Variants in ANK3 observed in about 807,000 individuals in gnomAD.
ANK3 encodes ankyrin 3.
ANK3 carries 57 observed loss-of-function variants against 370.9 expected under a neutral mutation model. That is an observed-to-expected ratio of 0.15 (90% CI 0.12 to 0.19). The LOEUF is 0.19. Among genes scored for constraint, ANK3 ranks in the 10% least tolerant of loss-of-function variants. The pLI is 1.00. For missense variants in ANK3, 4,439 were observed against 5,302.1 expected, an observed-to-expected ratio of 0.84 and a Z score of 5.06; for synonymous variants, 1,929 against 1,946.3, an observed-to-expected ratio of 0.99 and a Z score of 0.23.
At chr10:60,148,662 A>G (rs969648473) in intron 23 of ANK3, among the ~76,000 whole-genome samples, 5 of 152,204 alleles carry the variant, frequency 3.3e-5, no homozygotes, top group African/African-American at 1.2e-4. Flanking sequence ...AGGAGCACTG[A>G]AGTCTAAAGA....
chr10:60,499,414 A>G (rs546584106), intron 2 of ANK3, among the ~76,000 whole-genome samples: 2 of 152,198 alleles, frequency 1.3e-5, no homozygotes, highest in Non-Finnish European at 2.9e-5. Flanking sequence ...ATAAGTCATC[A>G]ATAAAGGAAA....
intron 1 of ANK3, among the ~76,000 whole-genome samples, chr10:60,330,330 A>G (rs1312419228): frequency 6.6e-6 from 1 of 152,214 alleles, no homozygotes; most frequent in Non-Finnish European, 1.5e-5. Context: ...GAAACTATCA[A>G]CAGACTGAAC....
chr10:60,413,680 G>A (rs2063604476), intron 2 of ANK3, among the ~76,000 whole-genome samples: 1 of 152,168 alleles, frequency 6.6e-6, no homozygotes, highest in African/African-American at 2.4e-5. Flanking sequence ...GAATCATGCA[G>A]AGTATTTAAT....
At chr10:60,165,677 T>G (rs1327269579) in intron 23 of ANK3, among the ~76,000 whole-genome samples, 1 of 152,010 alleles carries the variant, frequency 6.6e-6, no homozygotes, top group Admixed American at 6.6e-5. Flanking sequence ...TGAATTAAAA[T>G]AGGGAAGATT....
chr10:60,603,234 C>T (rs1438910194), intron 2 of ANK3, among the ~76,000 whole-genome samples: 1 of 152,120 alleles, frequency 6.6e-6, no homozygotes. Context: ...GCCATTAGTG[C>T]ACTGACATAG....
At chr10:60,282,842 A>C (rs2132717990) in intron 1 of ANK3, among the ~76,000 whole-genome samples, 1 of 152,300 alleles carries the variant, frequency 6.6e-6, no homozygotes, top group Non-Finnish European at 1.5e-5. Flanking sequence ...AAAAGGGGGA[A>C]AATGTAGAGA....
chr10:60,668,830 A>T, intron 1 of ANK3, among the ~76,000 whole-genome samples: 1 of 152,246 alleles, frequency 6.6e-6, no homozygotes, highest in East Asian at 1.9e-4. Flanking sequence ...CATCTCTACT[A>T]ATAAATACAA....
At position 60,030,345 on chromosome 10, in the gene ANK3, T is replaced by C. The variant is rs142337917; in HGVS notation, c.*20-519A>G. On this transcript the variant is annotated intron_variant, in intron 43 of 43. Transcript: ENST00000280772. ...TTTTAGTAGAGACGGGGTTTCACTA[T>C]GTTAGTCAGGATGGTCTCGATCTCC... 7.6e-3 allele frequency among the ~76,000 whole-genome samples: 1,152 copies of C among 152,162 alleles called. 9 individuals carry two copies. The highest frequency in any genetic ancestry group is 9.8e-3 in the Non-Finnish European group (665 of 68,016).
intron 1 of ANK3, among the ~76,000 whole-genome samples, chr10:60,647,834 G>A (rs2078728893): frequency 1.4e-5 from 2 of 146,400 alleles, no homozygotes; most frequent in Non-Finnish European, 3.0e-5. Context: ...AAATTTTCAA[G>A]ACAGAAACAA....
intron 2 of ANK3, among the ~76,000 whole-genome samples, chr10:60,400,907 G>T (rs1375418951): frequency 6.6e-6 from 1 of 152,020 alleles, no homozygotes; most frequent in Non-Finnish European, 1.5e-5. Context: ...AAGTGACTCT[G>T]CAGGCTTTCT....
intron 1 of ANK3, among the ~76,000 whole-genome samples, chr10:60,723,640 G>T (rs2079896160): frequency 6.6e-6 from 1 of 152,144 alleles, no homozygotes; most frequent in Non-Finnish European, 1.5e-5. Context: ...GTAGCAATGG[G>T]TAGACACTCA....
In ANK3 at chr10:60,072,064, G is replaced by A. The variant is rs1188698757; in HGVS notation, c.8817C>T (p.Asp2939=). The A allele has an allele frequency of 6.2e-7, 1 of 1,614,092 alleles. No individual in the cohort carries two copies. The highest frequency in any genetic ancestry group is 8.5e-7 in the Non-Finnish European group (1 of 1,180,010). The change falls in exon 37 of 44, where the codon GAC becomes GAT. Residue 2939 remains aspartate (D), a synonymous_variant. Transcript: ENST00000280772. The part of the protein sequence containing the change: ...LYREYVVKEG[D]HPGGLLDQPS... ...GCTGATCAAGCAATCCGCCTGGATGGTCCCCTTCTTTCACAACATATTCCC... is the reference window on the plus strand; with the variant it reads ...GCTGATCAAGCAATCCGCCTGGATGATCCCCTTCTTTCACAACATATTCCC...
chr10:60,597,852 T>C (rs914926980), intron 2 of ANK3, among the ~76,000 whole-genome samples: 1 of 152,170 alleles, frequency 6.6e-6, no homozygotes, highest in African/African-American at 2.4e-5. Context: ...AAAATATTCT[T>C]ATAAGGACTG....
intron 32 of ANK3, 111 bp downstream of exon 32, chr10:60,084,491 T>C (rs762646064): frequency 4.6e-6 from 3 of 653,214 alleles, no homozygotes; most frequent in Non-Finnish European, 7.3e-6. Context: ...AAAGTAAAAG[T>C]AAAATCAATA....
intron 30 of ANK3, among the ~76,000 whole-genome samples, chr10:60,086,313 T>C (rs1200148524): frequency 6.6e-6 from 1 of 152,214 alleles, no homozygotes; most frequent in African/African-American, 2.4e-5. Flanking sequence ...GTTTAAAGTA[T>C]GTTGCTAAGT....
chr10:60,192,890 A>G (rs1273847192), intron 16 of ANK3, among the ~76,000 whole-genome samples: 1 of 152,136 alleles, frequency 6.6e-6, no homozygotes, highest in Non-Finnish European at 1.5e-5. Context: ...ATCAACATCA[A>G]CAACTGCCCT....
chr10:60,055,356 T>C lies in ANK3; in HGVS notation c.13065+302A>G, dbSNP rs115966137. ...ATAAAATACTGGGTCTTAAACTAGT[T>C]ACTTAACGTCTCTCTGGTTCTTGTC... is the stretch of plus-strand genomic sequence containing the variant. On this transcript the variant is annotated intron_variant, in intron 42 of 43. Transcript: ENST00000280772. Among the ~76,000 whole-genome samples the C allele has an allele frequency of 3.9e-3, 597 of 152,342 alleles. 4 individuals carry two copies. Among genetic ancestry groups the C allele is most frequent in the African/African-American group, 0.014 (577 of 41,592 alleles).
intron 1 of ANK3, among the ~76,000 whole-genome samples, chr10:60,693,943 A>AT (rs1357110267): frequency 6.6e-6 from 1 of 152,046 alleles, no homozygotes; most frequent in Non-Finnish European, 1.5e-5. Flanking sequence ...AGACGATCAA[A>AT]TTACTCTGAG....
chr10:60,386,741 C>T (rs897519714), intron 1 of ANK3, among the ~76,000 whole-genome samples: 13 of 152,202 alleles, frequency 8.5e-5, no homozygotes, highest in Non-Finnish European at 1.3e-4. Flanking sequence ...AAGAAAGCTT[C>T]GTCTTTGGCC....
Sources: gnomAD v4.1 joint callset for allele counts (sites outside exome capture counted in the v4.1 genomes callset) on GRCh38, gnomAD v4.1.1 for gene constraint, MANE v1.5 for transcripts, NCBI Gene and HGNC (gene_info 2026-07-23, HGNC 2026-07-21) for gene names.